ADGB: variants seen among roughly 807,000 people sequenced by gnomAD.
ADGB encodes calpain-7-like protein.
Under a neutral mutation model 210.5 loss-of-function variants are expected in ADGB, and 172 were observed. That is an observed-to-expected ratio of 0.82 (90% confidence interval 0.72 to 0.93). The LOEUF is 0.93. Among genes scored for constraint, ADGB ranks in the 40% least tolerant of loss-of-function variants. The pLI, the probability that ADGB is intolerant of heterozygous loss-of-function variation, is 0.00. For missense variants in ADGB, 2,025 were observed against 1,964.8 expected, an observed-to-expected ratio of 1.03 and a Z score of -0.58; for synonymous variants, 658 against 662.7, an observed-to-expected ratio of 0.99 and a Z score of 0.11.
At chr6:146,694,239 T>C (rs549842202) in intron 12 of ADGB, among the ~76,000 whole-genome samples, 8 of 152,274 alleles carry the variant, frequency 5.3e-5, no homozygotes, top group Admixed American at 3.9e-4. Flanking sequence ...TACCATAGAC[T>C]TGTGGCTTGT....
rs144370843 is a variant in ADGB at position 146,739,548 on chromosome 6, A to G, written c.2889-911A>G. Among the ~76,000 whole-genome samples the G allele has an allele frequency of 2.6e-4, 39 of 152,262 alleles. No homozygotes were observed. The East Asian group carries it at 6.0e-3, about 23-fold the overall frequency. On this transcript the variant is annotated intron_variant, in intron 23 of 35. Coordinates refer to ENST00000397944, the MANE Select transcript of ADGB (RefSeq NM_024694.4). ...GTTAGTTTCCTCCTACCAAAAGCCTATGATCAACAAAAACCAATGATAAAA... is the reference window on the plus strand; with the variant it reads ...GTTAGTTTCCTCCTACCAAAAGCCTGTGATCAACAAAAACCAATGATAAAA...
Position 146,813,596 on chromosome 6 carries a change from T to C in ADGB, c.4819-1436T>C, listed in dbSNP as rs921733945. 1.1e-4 allele frequency among the ~76,000 whole-genome samples: 17 copies of C among 151,096 alleles called. No individual in the cohort carries two copies. The South Asian group carries it at 2.1e-3, about 19-fold the overall frequency. On this transcript the variant is annotated intron_variant, in intron 35 of 35. Transcript: ENST00000397944. ...CAGATATTCTGTTTAGATTCACTGT[T>C]GTGTCCCCAGACCTTCAGAGGAATG...
rs753172454 is a variant in ADGB, at chr6:146,599,000, TCTTTGCTCAGAGCTCAGCC to T, written c.-38_-20del. 2.0e-5 allele frequency: 31 copies of T among 1,530,606 alleles called. No individual in the cohort carries two copies. Among genetic ancestry groups the T allele is most frequent in the Non-Finnish European group, 2.7e-5 (30 of 1,128,168 alleles). The allele number at this position is 1,530,606 out of a possible 1,614,324, so 94.8% of individuals were successfully genotyped here. ...CGCGGAGCCGAGCGCGCCCGCAGGCTCTTTGCTCAGAGCTCAGCCCTACATAGATCGGCTTCTGCCATGG... is the reference window on the plus strand; with the variant it reads ...CGCGGAGCCGAGCGCGCCCGCAGGCTCTACATAGATCGGCTTCTGCCATGG... On this transcript the variant is annotated 5_prime_UTR_variant, in exon 1 of 36. Transcript: ENST00000397944.
chr6:146,646,444 C>T (rs1288924294), intron 3 of ADGB, among the ~76,000 whole-genome samples: 1 of 152,038 alleles, frequency 6.6e-6, no homozygotes, highest in East Asian at 1.9e-4. Context: ...AATATAAGAG[C>T]CCCAAACTAA....
At chr6:146,680,716 A>G (rs1421811427) in intron 9 of ADGB, among the ~76,000 whole-genome samples, 2 of 152,196 alleles carry the variant, frequency 1.3e-5, no homozygotes, top group African/African-American at 4.8e-5. Context: ...AGTTTGTAAT[A>G]TCTACTGTTA....
intron 27 of ADGB, among the ~76,000 whole-genome samples, chr6:146,754,178 A>C (rs563546289): frequency 6.6e-6 from 1 of 151,242 alleles, no homozygotes; most frequent in Non-Finnish European, 1.5e-5. Flanking sequence ...TATCTGCATA[A>C]ATTTGCATAA....
chr6:146,608,694 T>C (rs1457447270), intron 1 of ADGB, among the ~76,000 whole-genome samples: 1 of 152,184 alleles, frequency 6.6e-6, no homozygotes, highest in East Asian at 1.9e-4. Context: ...TTTAGAGATC[T>C]TGGTTTTGAA....
chr6:146,613,191 G>A (rs1325046103), intron 1 of ADGB, among the ~76,000 whole-genome samples: 2 of 152,050 alleles, frequency 1.3e-5, no homozygotes, highest in African/African-American at 4.8e-5. Context: ...AGAAATAAAT[G>A]ATGAACTTTT....
At chr6:146,691,463 T>TATATATAA (rs1776320621) in intron 11 of ADGB, among the ~76,000 whole-genome samples, 173 bp downstream of exon 11, 3 of 15,442 alleles carry the variant, frequency 1.9e-4, no homozygotes, top group African/African-American at 5.0e-4. Flanking sequence ...TATATAAAAA[T>TATATATAA]ATATATATAT....
chr6:146,758,349 G>A (rs186816715), intron 27 of ADGB, among the ~76,000 whole-genome samples: 28 of 152,080 alleles, frequency 1.8e-4, no homozygotes, highest in African/African-American at 6.7e-4. Flanking sequence ...CTTTTGTGCA[G>A]CTCTCCTGTG....
intron 29 of ADGB, among the ~76,000 whole-genome samples, chr6:146,778,789 T>A (rs967353185): frequency 6.6e-6 from 1 of 152,104 alleles, no homozygotes; most frequent in Non-Finnish European, 1.5e-5. Context: ...AAAAACAGCA[T>A]GCACAGATCC....
chr6:146,665,491 GA>G (rs895688087), intron 6 of ADGB, among the ~76,000 whole-genome samples: 3 of 150,520 alleles, frequency 2.0e-5, no homozygotes, highest in Non-Finnish European at 3.0e-5. Flanking sequence ...ATTTATTTGG[GA>G]AAAAAAAATG....
chr6:146,801,372 T>G, intron 34 of ADGB, 93 bp downstream of exon 34: 1 of 798,406 alleles, frequency 1.3e-6, no homozygotes, highest in South Asian at 3.7e-5. Flanking sequence ...AAGATTTAAT[T>G]TGAGGCCTGA....
chr6:146,786,054 A>G (rs1188325033), intron 32 of ADGB, among the ~76,000 whole-genome samples: 1 of 150,874 alleles, frequency 6.6e-6, no homozygotes, highest in African/African-American at 2.4e-5. Context: ...GTCTACTACT[A>G]TATTATTATT....
At chr6:146,810,664 A>C (rs259377) in intron 35 of ADGB, among the ~76,000 whole-genome samples, 92,043 of 151,612 alleles carry the variant, frequency 0.61, 28,313 homozygotes, top group East Asian at 0.78. Context: ...ACAGATGAAC[A>C]TGTAGGGCAT....
chr6:146,651,557 G>GAT (rs1200486075), intron 3 of ADGB, among the ~76,000 whole-genome samples: 104 of 152,300 alleles, frequency 6.8e-4, no homozygotes, highest in African/African-American at 2.4e-3. Context: ...GGTCCAGGAG[G>GAT]ATGCAGGTCT....
intron 25 of ADGB, 139 bp downstream of exon 25, chr6:146,741,410 G>A: frequency 1.4e-6 from 1 of 691,076 alleles, no homozygotes; most frequent in Non-Finnish European, 2.3e-6. Flanking sequence ...CACTATAGAA[G>A]TCCCATATAT....
intron 33 of ADGB, among the ~76,000 whole-genome samples, chr6:146,797,524 TAC>T (rs1013799648): frequency 2.0e-5 from 3 of 151,856 alleles, no homozygotes; most frequent in African/African-American, 7.3e-5. Flanking sequence ...TATACATATA[TAC>T]ACACACACAC....
intron 1 of ADGB, among the ~76,000 whole-genome samples, chr6:146,627,577 C>T (rs551942139): frequency 2.0e-5 from 3 of 152,206 alleles, no homozygotes; most frequent in South Asian, 4.1e-4. Flanking sequence ...TTCCCAGTAT[C>T]CTATGGGGCT....
Sources: allele counts gnomAD v4.1 joint callset (sites outside exome capture counted in the v4.1 genomes callset), GRCh38; gene constraint gnomAD v4.1.1; transcripts MANE v1.5; gene names NCBI Gene and HGNC (gene_info 2026-07-23, HGNC 2026-07-21).